MSTO1: variants seen among roughly 807,000 people sequenced by gnomAD.
MSTO1 encodes the protein misato mitochondrial distribution and morphology regulator 1, also known as protein misato homolog 1.
A neutral mutation model predicts 55.7 loss-of-function variants in MSTO1; 24 were observed. The observed-to-expected ratio is 0.43, with a 90% CI of 0.31 to 0.61. The LOEUF (loss-of-function observed/expected upper bound fraction) is 0.61, where lower values mean the gene tolerates loss of function less well. Ranked by LOEUF, MSTO1 falls within the 20% of genes least tolerant of loss-of-function variation. The pLI, the probability that MSTO1 is intolerant of heterozygous loss-of-function variation, is 0.09. For missense variants in MSTO1, 363 were observed against 625.7 expected, an observed-to-expected ratio of 0.58 and a Z score of 4.48; for synonymous variants, 162 against 252.8, an observed-to-expected ratio of 0.64 and a Z score of 3.41.
At chr1:155,582,239 G>A in the MSTO1 span, among the ~76,000 whole-genome samples, 1 of 152,006 alleles carries the variant, frequency 6.6e-6, no homozygotes, top group Non-Finnish European at 1.5e-5. Context: ...CTACCGTCCA[G>A]TTACAAGCAA....
the MSTO1 span, among the ~76,000 whole-genome samples, chr1:155,569,127 T>TTTTA: frequency 3.2e-4 from 49 of 151,986 alleles, no homozygotes; most frequent in East Asian, 6.6e-3. Flanking sequence ...GGTTTTTTAT[T>TTTTA]TTTATTTATT....
At chr1:155,584,796 A>T in the MSTO1 span, among the ~76,000 whole-genome samples, 2 of 150,206 alleles carry the variant, frequency 1.3e-5, no homozygotes, top group East Asian at 4.0e-4. Flanking sequence ...GCTGGAGTGC[A>T]GTGGTGCGAT....
chr1:155,601,876 T>G, the MSTO1 span, among the ~76,000 whole-genome samples: 221 of 152,084 alleles, frequency 1.5e-3, 1 homozygote, highest in African/African-American at 5.1e-3. Context: ...AGCCTCAGCC[T>G]CCCAAGTAGC....
At chr1:155,563,377 C>T in the MSTO1 span, 84 of 456,456 alleles carry the variant, frequency 1.8e-4, 1 homozygote, top group East Asian at 5.2e-3. Flanking sequence ...GGGAAAGGAG[C>T]GGGACTCCGG....
chr1:155,591,261 A>G, the MSTO1 span: 70 of 1,599,916 alleles, frequency 4.4e-5, no homozygotes, highest in Non-Finnish European at 5.8e-5. Flanking sequence ...GGCAGAGGCC[A>G]TGGTGAGATT....
the MSTO1 span, chr1:155,590,996 C>T: frequency 2.5e-6 from 4 of 1,613,962 alleles, no homozygotes; most frequent in South Asian, 1.1e-5. Flanking sequence ...AACAGGGCCA[C>T]AAGGAGGGTG....
upstream of MSTO1, among the ~76,000 whole-genome samples, chr1:155,607,339 T>C (rs1672952500): frequency 6.6e-6 from 1 of 151,078 alleles, no homozygotes; most frequent in Admixed American, 6.6e-5. Flanking sequence ...CACGCCCAGA[T>C]AATTTTTGTA....
chr1:155,568,955 G>A, the MSTO1 span, among the ~76,000 whole-genome samples: 7 of 149,996 alleles, frequency 4.7e-5, no homozygotes, highest in Non-Finnish European at 1.5e-5. Context: ...GGGTTCAAGT[G>A]ATTCTCCTCC....
At chr1:155,577,778 G>A in the MSTO1 span, among the ~76,000 whole-genome samples, 1 of 152,122 alleles carries the variant, frequency 6.6e-6, no homozygotes, top group Non-Finnish European at 1.5e-5. Context: ...GGGTCTCACT[G>A]TGTCACCCAG....
the MSTO1 span, among the ~76,000 whole-genome samples, chr1:155,566,683 T>C: frequency 6.6e-6 from 1 of 152,062 alleles, no homozygotes; most frequent in Non-Finnish European, 1.5e-5. Flanking sequence ...TGGCGTGATC[T>C]CGGCTTACTG....
chr1:155,570,384 G>A, the MSTO1 span, among the ~76,000 whole-genome samples: 11 of 152,138 alleles, frequency 7.2e-5, no homozygotes, highest in Admixed American at 1.3e-4. Flanking sequence ...ACATAACCAC[G>A]CTGTACGTGC....
chr1:155,609,927 A>C (rs1673453163), upstream of MSTO1: 2 of 397,292 alleles, frequency 5.0e-6, no homozygotes, highest in East Asian at 5.3e-5. Flanking sequence ...GACAAGTAGG[A>C]AGCAGAGCCT....
chr1:155,576,946 C>A, the MSTO1 span, among the ~76,000 whole-genome samples: 2 of 114,440 alleles, frequency 1.7e-5, no homozygotes, highest in South Asian at 6.5e-4. Context: ...ACCCGGGAGG[C>A]GGAGGTTGCA....
the MSTO1 span, among the ~76,000 whole-genome samples, chr1:155,600,545 A>AT: frequency 2.1e-5 from 3 of 145,884 alleles, no homozygotes; most frequent in African/African-American, 8.4e-5. Flanking sequence ...GTGCATCCAT[A>AT]TTTTTTCTTT....
chr1:155,591,372 G>T, the MSTO1 span: 2 of 837,996 alleles, frequency 2.4e-6, no homozygotes, highest in Non-Finnish European at 1.8e-6. Context: ...CACAAATGCT[G>T]TTTCAGAAAC....
chr1:155,580,109 T>G, the MSTO1 span, among the ~76,000 whole-genome samples: 2 of 151,162 alleles, frequency 1.3e-5, no homozygotes, highest in Non-Finnish European at 1.5e-5. Context: ...AATCTGTTAT[T>G]CTCTCTGGGT....
At chr1:155,602,259 A>G in the MSTO1 span, 1 of 371,566 alleles carries the variant, frequency 2.7e-6, no homozygotes, top group East Asian at 6.4e-5. Flanking sequence ...AGGGTGAATC[A>G]CTTGAGGTCG....
At chr1:155,592,319 T>A in the MSTO1 span, among the ~76,000 whole-genome samples, 1 of 152,138 alleles carries the variant, frequency 6.6e-6, no homozygotes, top group Non-Finnish European at 1.5e-5. Context: ...GAGGGAGAGA[T>A]AATTTATACC....
At chr1:155,588,471 A>G in the MSTO1 span, among the ~76,000 whole-genome samples, 1 of 152,056 alleles carries the variant, frequency 6.6e-6, no homozygotes, top group African/African-American at 2.4e-5. Context: ...CTCATGATCA[A>G]CTCATGAACG....
Sources: gnomAD v4.1 joint callset for allele counts (sites outside exome capture counted in the v4.1 genomes callset) on GRCh38, gnomAD v4.1.1 for gene constraint, MANE v1.5 for transcripts, NCBI Gene and HGNC (gene_info 2026-07-23, HGNC 2026-07-21) for gene names.